EXOC6B: variants seen among roughly 807,000 people sequenced by gnomAD.
EXOC6B encodes exocyst complex component 6B.
EXOC6B carries 54 observed loss-of-function variants against 113.5 expected under a neutral mutation model. That is an observed-to-expected ratio of 0.48 (90% CI 0.38 to 0.60). The LOEUF is 0.60. EXOC6B is among the 20% of genes least tolerant of loss of function. The pLI is 0.00. For missense variants in EXOC6B, 797 were observed against 977.5 expected, an observed-to-expected ratio of 0.82 and a Z score of 2.46; for synonymous variants, 357 against 339.0, an observed-to-expected ratio of 1.05 and a Z score of -0.58.
In EXOC6B at chr2:72,178,227, A is replaced by T. The variant is rs569476160; in HGVS notation, c.*1108T>A. The T allele has an allele frequency of 3.3e-5, 5 of 152,220 alleles. No homozygotes were observed. The highest frequency in any genetic ancestry group is 1.2e-4 in the African/African-American group (5 of 41,456). 9.4% of individuals were successfully genotyped at this position (152,220 alleles called of 1,614,324 possible). On this transcript the variant is annotated 3_prime_UTR_variant, in exon 22 of 22. Coordinates refer to ENST00000272427, the MANE Select transcript of EXOC6B (RefSeq NM_015189.3). Reference sequence around the variant, plus strand: ...TTGGCTCTGTCGACTTTATGGTAACAATGTCTCCATCCCTAGAGGCATCCA... The same window carrying T: ...TTGGCTCTGTCGACTTTATGGTAACTATGTCTCCATCCCTAGAGGCATCCA...
intron 19 of EXOC6B, among the ~76,000 whole-genome samples, chr2:72,371,039 ACTC>A (rs761930713): frequency 6.7e-6 from 1 of 149,734 alleles, no homozygotes; most frequent in Non-Finnish European, 1.5e-5. Context: ...AGGACACAAA[ACTC>A]CTCCTCCAAA....
chr2:72,365,735 A>G (rs1239797323), intron 19 of EXOC6B, among the ~76,000 whole-genome samples: 1 of 152,188 alleles, frequency 6.6e-6, no homozygotes, highest in East Asian at 1.9e-4. Flanking sequence ...AGGCTGGAGA[A>G]AGAACCATTA....
chr2:72,750,265 A>G (rs1681958643), intron 1 of EXOC6B, among the ~76,000 whole-genome samples: 1 of 152,118 alleles, frequency 6.6e-6, no homozygotes, highest in African/African-American at 2.4e-5. Context: ...GAAAGGCATC[A>G]GAGTAGTTTC....
intron 7 of EXOC6B, among the ~76,000 whole-genome samples, chr2:72,569,182 T>G (rs1348475496): frequency 1.3e-5 from 2 of 152,138 alleles, no homozygotes; most frequent in African/African-American, 4.8e-5. Context: ...AGGCCAGCTT[T>G]CATTAAGAAG....
intron 8 of EXOC6B, among the ~76,000 whole-genome samples, chr2:72,545,994 TTTG>T (rs1008983508): frequency 6.6e-6 from 1 of 152,222 alleles, no homozygotes; most frequent in Non-Finnish European, 1.5e-5. Context: ...TGCTATTATC[TTTG>T]GTTACATGAC....
intron 1 of EXOC6B, among the ~76,000 whole-genome samples, chr2:72,742,826 T>G (rs941736290): frequency 2.0e-5 from 3 of 152,222 alleles, no homozygotes; most frequent in African/African-American, 7.2e-5. Context: ...ATCTCTGTAG[T>G]GCTGATTTCC....
intron 6 of EXOC6B, among the ~76,000 whole-genome samples, chr2:72,699,613 C>T (rs1025534028): frequency 9.9e-5 from 15 of 151,988 alleles, no homozygotes; most frequent in African/African-American, 3.6e-4. Flanking sequence ...GGAAAGTAGG[C>T]TGGACTATTT....
intron 20 of EXOC6B, among the ~76,000 whole-genome samples, chr2:72,265,862 TC>T (rs1218586598): frequency 6.6e-6 from 1 of 152,226 alleles, no homozygotes; most frequent in Non-Finnish European, 1.5e-5. Context: ...CGGTTTACAG[TC>T]CCAGCAACAG....
At chr2:72,371,064 A>T (rs1467620305) in intron 19 of EXOC6B, among the ~76,000 whole-genome samples, 1 of 151,812 alleles carries the variant, frequency 6.6e-6, no homozygotes, top group East Asian at 1.9e-4. Flanking sequence ...AAAAAAGAAG[A>T]ACAGAATAAA....
intron 18 of EXOC6B, among the ~76,000 whole-genome samples, chr2:72,422,002 C>G (rs1426084592): frequency 6.6e-6 from 1 of 152,242 alleles, no homozygotes. Flanking sequence ...ACTGGGTCCC[C>G]CAGCAGTGCC....
At chr2:72,493,426 C>T (rs1472378265) in intron 15 of EXOC6B, among the ~76,000 whole-genome samples, 1 of 144,446 alleles carries the variant, frequency 6.9e-6, no homozygotes, top group Non-Finnish European at 1.5e-5. Context: ...TAAAAAAATG[C>T]TGTTTGTGCA....
chr2:72,638,779 T>A (rs1443324260), intron 6 of EXOC6B, among the ~76,000 whole-genome samples: 1 of 152,168 alleles, frequency 6.6e-6, no homozygotes, highest in Non-Finnish European at 1.5e-5. Context: ...GTGTCTGTAG[T>A]GGAGCATGGC....
Position 72,767,011 on chromosome 2 carries a change from G to A in EXOC6B, c.114-25542C>T, listed in dbSNP as rs142363623. ...CCACATTGAAGCCCAAAGAGAACAA[G>A]GAAAGGACAGGATGTAAAATACAGA... On this transcript the variant is annotated intron_variant, in intron 1 of 21. Coordinates refer to ENST00000272427, the MANE Select transcript of EXOC6B (RefSeq NM_015189.3). Among the ~76,000 whole-genome samples the A allele has an allele frequency of 5.6e-4, 83 of 149,400 alleles. No homozygotes were observed. The East Asian group carries it at 0.016, about 29-fold the overall frequency.
intron 19 of EXOC6B, among the ~76,000 whole-genome samples, chr2:72,343,252 C>T (rs1476567992): frequency 6.6e-6 from 1 of 152,028 alleles, no homozygotes; most frequent in East Asian, 1.9e-4. Flanking sequence ...ATGGTGAAAC[C>T]CCATCTCTAC....
intron 18 of EXOC6B, among the ~76,000 whole-genome samples, chr2:72,388,846 T>C (rs1295804575): frequency 6.6e-6 from 1 of 152,142 alleles, no homozygotes; most frequent in Non-Finnish European, 1.5e-5. Flanking sequence ...TAGGTCTACT[T>C]TACCAGACAT....
chr2:72,498,620 T>G (rs1700167026), intron 12 of EXOC6B, 69 bp from the exon 13 acceptor site: 1 of 954,816 alleles, frequency 1.0e-6, no homozygotes, highest in South Asian at 1.6e-5. Context: ...TTTTTTTTTT[T>G]GGCAAAATGA....
intron 18 of EXOC6B, among the ~76,000 whole-genome samples, chr2:72,421,384 T>C (rs564665815): frequency 2.0e-4 from 31 of 152,228 alleles, no homozygotes; most frequent in Non-Finnish European, 3.4e-4. Context: ...ATGTTCTCTT[T>C]ATCTTTTTAA....
chr2:72,182,094 G>A (rs1372831906), intron 21 of EXOC6B, among the ~76,000 whole-genome samples: 1 of 152,200 alleles, frequency 6.6e-6, no homozygotes, highest in African/African-American at 2.4e-5. Flanking sequence ...CAATTCCTAT[G>A]AGGCTGGGAG....
chr2:72,433,253 G>A (rs1358313562), intron 18 of EXOC6B, among the ~76,000 whole-genome samples: 2 of 119,036 alleles, frequency 1.7e-5, no homozygotes, highest in Non-Finnish European at 3.1e-5. Flanking sequence ...CCTCTCTTCT[G>A]TTCCATTGGT....
Sources: allele counts gnomAD v4.1 joint callset (sites outside exome capture counted in the v4.1 genomes callset), GRCh38; gene constraint gnomAD v4.1.1; transcripts MANE v1.5; gene names NCBI Gene and HGNC (gene_info 2026-07-23, HGNC 2026-07-21).